The following NREP variants were observed in gnomAD, a reference collection of about 807,000 sequenced individuals.
The protein encoded by NREP is neuronal regeneration related protein.
Under a neutral mutation model 8.6 loss-of-function variants are expected in NREP, and 5 were observed. The ratio of observed to expected loss-of-function variants is 0.58; its 90% CI spans 0.30 to 1.22. The LOEUF is 1.22. Among genes scored for constraint, NREP ranks in the 50% most tolerant of loss-of-function variants. The pLI is 0.07. For synonymous variants in NREP, 27 were observed against 28.0 expected (o/e 0.96, Z 0.11); for missense variants, 86 against 82.5 (o/e 1.04, Z -0.17).
At chr5:111,846,492 A>G (rs1581162231) in intron 2 of NREP, 1 of 99,144 alleles carries the variant, frequency 1.0e-5, no homozygotes, top group Admixed American at 1.4e-4. Flanking sequence ...CTTCATTTCT[A>G]CTTTTGCAGG....
chr5:111,807,098 T>G (rs1027583248), intron 2 of NREP, among the ~76,000 whole-genome samples: 1 of 152,008 alleles, frequency 6.6e-6, no homozygotes, highest in African/African-American at 2.4e-5. Flanking sequence ...GTAAGATAAT[T>G]AAACCTAATT....
intron 2 of NREP, among the ~76,000 whole-genome samples, chr5:111,862,165 C>A (rs189190255): frequency 2.6e-5 from 4 of 152,242 alleles, no homozygotes; most frequent in Admixed American, 2.6e-4. Flanking sequence ...AAGATGTCTA[C>A]AATTTTAGAC....
intron 2 of NREP, among the ~76,000 whole-genome samples, chr5:111,767,815 G>A (rs887887474): frequency 6.6e-6 from 1 of 152,040 alleles, no homozygotes; most frequent in African/African-American, 2.4e-5. Flanking sequence ...ACAGGCTTGT[G>A]CCGCCCTGCC....
Position 111,782,484 on chromosome 5 carries a change from CTG to C in NREP, c.136-46979_136-46978del, listed in dbSNP as rs1368679838. Among the ~76,000 whole-genome samples, 9 of 152,268 alleles carry C rather than the reference CTG, an allele frequency of 5.9e-5. No individual in the cohort carries two copies. In the East Asian group the frequency reaches 1.7e-3, roughly 29 times the overall value. ...GGAACAAATTCATAACTTGGAGAAT[CTG>C]TGTTTCAAATTAGACTCTTACATTT... On this transcript the variant is annotated intron_variant, in intron 2 of 3. Transcript: ENST00000395634.
At chr5:111,735,243 A>G (rs574565236) in intron 3 of NREP, 187 bp downstream of exon 3, 180 of 453,202 alleles carry the variant, frequency 4.0e-4, no homozygotes, top group Non-Finnish European at 6.5e-4. Flanking sequence ...AGATAATGTG[A>G]ACTTTAAGTC....
At chr5:111,820,778 T>A (rs938563570) in intron 2 of NREP, among the ~76,000 whole-genome samples, 1 of 152,154 alleles carries the variant, frequency 6.6e-6, no homozygotes, top group Non-Finnish European at 1.5e-5. Flanking sequence ...AGATAAGATA[T>A]AAAGAATTTT....
At chr5:111,783,079 C>G (rs1313725883) in intron 2 of NREP, among the ~76,000 whole-genome samples, 2 of 152,086 alleles carry the variant, frequency 1.3e-5, no homozygotes, top group African/African-American at 4.8e-5. Context: ...TGGGTGAACT[C>G]ATGGTAAGAA....
intron 2 of NREP, among the ~76,000 whole-genome samples, chr5:111,790,099 G>C (rs992230649): frequency 2.0e-4 from 30 of 151,934 alleles, no homozygotes; most frequent in Admixed American, 1.6e-3. Flanking sequence ...GATAGAAAAA[G>C]GAGCAAAGAC....
Position 111,774,448 on chromosome 5 carries a change from C to A in NREP, c.136-38941G>T, listed in dbSNP as rs184161310. On this transcript the variant is annotated intron_variant, in intron 2 of 3. Transcript: ENST00000395634. ...GCAGACCTTAAAATAGGATGATTAT[C>A]CTGGATTATCCAGTTGTGCCCACCT... Among the ~76,000 whole-genome samples, 9 of 152,246 alleles carry A rather than the reference C, an allele frequency of 5.9e-5. No individual in the cohort carries two copies. In the East Asian group the frequency reaches 1.5e-3, roughly 26 times the overall value.
chr5:111,735,630 G>A, intron 2 of NREP, 123 bp from the exon 3 acceptor site: 1 of 644,312 alleles, frequency 1.6e-6, no homozygotes, highest in Non-Finnish European at 2.7e-6. Context: ...ACCACTTAGA[G>A]CACTGGGGAA....
intron 2 of NREP, among the ~76,000 whole-genome samples, chr5:111,806,609 G>C (rs746877849): frequency 1.3e-5 from 2 of 152,162 alleles, no homozygotes; most frequent in Non-Finnish European, 2.9e-5. Context: ...TTGCAATTTA[G>C]CCTAGATTTA....
chr5:111,875,213 C>G (rs1003513666), intron 2 of NREP, among the ~76,000 whole-genome samples: 32 of 152,010 alleles, frequency 2.1e-4, no homozygotes, highest in African/African-American at 6.8e-4. Context: ...AGAATTTTAT[C>G]TTTCTAAAAG....
chr5:111,740,858 T>C (rs1469686673), intron 2 of NREP, among the ~76,000 whole-genome samples: 1 of 152,226 alleles, frequency 6.6e-6, no homozygotes, highest in Non-Finnish European at 1.5e-5. Context: ...TACCTGTTTC[T>C]AAATTTGTAT....
At chr5:111,802,184 T>C (rs1458787426) in intron 2 of NREP, among the ~76,000 whole-genome samples, 1 of 152,144 alleles carries the variant, frequency 6.6e-6, no homozygotes, top group African/African-American at 2.4e-5. Context: ...AAGGGCTTAA[T>C]GAAGAATTTT....
chr5:111,820,896 A>G (rs1217977366), intron 2 of NREP, among the ~76,000 whole-genome samples: 2 of 152,336 alleles, frequency 1.3e-5, no homozygotes, highest in Admixed American at 6.5e-5. Context: ...CTATAAGTAT[A>G]TTTTAGAAAC....
chr5:111,881,170 T>C (rs1205840906), intron 2 of NREP, among the ~76,000 whole-genome samples: 6 of 152,154 alleles, frequency 3.9e-5, no homozygotes, highest in African/African-American at 1.2e-4. Flanking sequence ...CACCAGGAGA[T>C]TATATCCCAC....
At chr5:111,950,725 C>T (rs1369905939) in intron 2 of NREP, among the ~76,000 whole-genome samples, 1 of 150,546 alleles carries the variant, frequency 6.6e-6, no homozygotes, top group East Asian at 2.0e-4. Context: ...CAGACAAGCT[C>T]ATCAAAAAGT....
chr5:111,960,597 T>C (rs1413178234), intron 2 of NREP, among the ~76,000 whole-genome samples: 1 of 152,220 alleles, frequency 6.6e-6, no homozygotes, highest in African/African-American at 2.4e-5. Flanking sequence ...TTAGGCAATC[T>C]GAGTAGGCAA....
At chr5:111,867,043 T>C (rs1753683068) in intron 2 of NREP, among the ~76,000 whole-genome samples, 1 of 151,872 alleles carries the variant, frequency 6.6e-6, no homozygotes, top group Non-Finnish European at 1.5e-5. Context: ...ATACCTAATG[T>C]TAAATGACGA....
Sources: gnomAD v4.1 joint callset for allele counts (sites outside exome capture counted in the v4.1 genomes callset) on GRCh38, gnomAD v4.1.1 for gene constraint, MANE v1.5 for transcripts, NCBI Gene and HGNC (gene_info 2026-07-23, HGNC 2026-07-21) for gene names.